The following TGM6 variants were observed in gnomAD, a reference collection of about 807,000 sequenced individuals.
TGM6 encodes protein-glutamine gamma-glutamyltransferase 6.
In TGM6, 74 loss-of-function variants were observed where a neutral mutation model predicts 77.5. The observed-to-expected ratio is 0.96, with a 90% CI of 0.79 to 1.16. The LOEUF (loss-of-function observed/expected upper bound fraction) is 1.16, where lower values mean the gene tolerates loss of function less well. TGM6 is among the 50% of genes most tolerant of loss of function. TGM6 has a pLI of 0.00. For missense variants in TGM6, 968 were observed against 940.2 expected, an observed-to-expected ratio of 1.03 and a Z score of -0.39; for synonymous variants, 383 against 378.9, an observed-to-expected ratio of 1.01 and a Z score of -0.12.
In TGM6 at chr20:2,399,598, A is replaced by C. The variant is rs1269705033; in HGVS notation, c.710A>C (p.Gln237Pro). The C allele has an allele frequency of 1.9e-6, 3 of 1,613,352 alleles. No homozygotes were observed. Among genetic ancestry groups the C allele is most frequent in the Non-Finnish European group, 1.7e-6 (2 of 1,179,976 alleles). The change falls in exon 6 of 13, where the codon CAG becomes CCG. Residue 237 changes from glutamine (Q) to proline (P), a missense_variant. Gln to Pro is a moderately conservative substitution (Grantham distance 76). Coordinates refer to ENST00000202625, the MANE Select transcript of TGM6 (RefSeq NM_198994.3). ...SNNDRGVVQG[Q>P]WQGKYGGGTS... ...AACGACCGAGGTGTGGTGCAAGGAC[A>C]GTGGCAGGGCAAGTACGGCGGCGGC...
chr20:2,403,318 C>T (rs2084724057), intron 7 of TGM6, 79 bp from the exon 8 acceptor site: 3 of 1,496,096 alleles, frequency 2.0e-6, no homozygotes, highest in African/African-American at 2.8e-5. Context: ...GTAGGGAGCC[C>T]AGGGCCTGCC....
At position 2,427,259 on chromosome 20, in the gene TGM6, A is replaced by G. The variant is rs554559106; in HGVS notation, c.1679-3187A>G. ...TTTCTTTCAAGAACTGGTCCCTTTT[A>G]TCTGGATTATCAAACCTGTGGGCAT... On this transcript the variant is annotated intron_variant, in intron 10 of 12. Transcript: ENST00000202625. Among the ~76,000 whole-genome samples the G allele has an allele frequency of 9.8e-4, 149 of 152,162 alleles. 1 individual carries two copies. The highest frequency in any genetic ancestry group is 3.4e-3 in the African/African-American group (142 of 41,538).
At position 2,403,990 on chromosome 20, in the gene TGM6, C is replaced by T. The variant is rs1194696154; in HGVS notation, c.1336+167C>T. The stretch of plus-strand genomic sequence containing the variant: ...TCTGAGCCAAGTGCCTTTATTTAGG[C>T]TACATTAATAGCTTCCTCTGTTTGC... On this transcript the variant is annotated intron_variant, in intron 9 of 12. Coordinates refer to ENST00000202625, the MANE Select transcript of TGM6 (RefSeq NM_198994.3). Among the ~76,000 whole-genome samples, 5 of 152,324 alleles carry T rather than the reference C, an allele frequency of 3.3e-5. No homozygotes were observed. The South Asian group carries it at 8.3e-4, about 25-fold the overall frequency.
intron 1 of TGM6, among the ~76,000 whole-genome samples, chr20:2,388,301 G>A (rs2084609007): frequency 6.6e-6 from 1 of 152,204 alleles, no homozygotes; most frequent in Non-Finnish European, 1.5e-5. Context: ...GCCCTGTCCA[G>A]ACACTTGCCC....
Position 2,417,768 on chromosome 20 carries a change from C to G in TGM6, c.1678+195C>G, listed in dbSNP as rs62192893. On this transcript the variant is annotated intron_variant, in intron 10 of 12. Transcript: ENST00000202625. ...AACTGAGACTCGGAGGGGCAAAACA[C>G]TAATAACAGTAATGCAAGTCCACAT... 0.18 allele frequency among the ~76,000 whole-genome samples: 27,811 copies of G among 152,042 alleles called. 2,628 individuals carry two copies. Among genetic ancestry groups the G allele is most frequent in the East Asian group, 0.24 (1,263 of 5,156 alleles).
intron 1 of TGM6, among the ~76,000 whole-genome samples, chr20:2,389,194 C>T (rs1253923926): frequency 6.6e-6 from 1 of 152,128 alleles, no homozygotes; most frequent in Non-Finnish European, 1.5e-5. Flanking sequence ...AGCACCATGC[C>T]AGGAGGACAC....
At chr20:2,412,551 CAG>C (rs1191891135) in intron 9 of TGM6, among the ~76,000 whole-genome samples, 1 of 151,688 alleles carries the variant, frequency 6.6e-6, no homozygotes, top group Non-Finnish European at 1.5e-5. Context: ...GGGAGGAAGA[CAG>C]GGAGGGAGAA....
At chr20:2,386,651 G>T (rs1240254397) in intron 1 of TGM6, among the ~76,000 whole-genome samples, 1 of 152,130 alleles carries the variant, frequency 6.6e-6, no homozygotes, top group Non-Finnish European at 1.5e-5. Flanking sequence ...GGGAATTTGT[G>T]CCTGGGCAGG....
chr20:2,396,685 T>C, intron 4 of TGM6, 61 bp downstream of exon 4: 1 of 1,498,802 alleles, frequency 6.7e-7, no homozygotes, highest in Non-Finnish European at 9.3e-7. Flanking sequence ...TCGGTGGGAC[T>C]GGAGTCCCTC....
Position 2,432,394 on chromosome 20 carries a change from T to C in TGM6, c.1968-96T>C, listed in dbSNP as rs1290157397. 9 of 1,508,170 alleles carry C rather than the reference T, an allele frequency of 6.0e-6. No homozygotes were observed. The Admixed American group carries it at 1.3e-4, about 22-fold the overall frequency. The allele number at this position is 1,508,170 out of a possible 1,614,324, so 93.4% of individuals were successfully genotyped here. A position where few individuals can be genotyped will look rare whatever the true frequency, so the allele number is the denominator to read the frequency against. On this transcript the variant is annotated intron_variant, in intron 12 of 12. Coordinates refer to ENST00000202625, the MANE Select transcript of TGM6 (RefSeq NM_198994.3). ...TGAATGTCAAGCCACAAGGTGAACTTGATCCTGAGGAGCCTGGGGAGCCGT... is the reference window on the plus strand; with the variant it reads ...TGAATGTCAAGCCACAAGGTGAACTCGATCCTGAGGAGCCTGGGGAGCCGT...
Position 2,432,620 on chromosome 20 carries a change from G to C in TGM6, c.2098G>C (p.Val700Leu). Residue 700 changes from valine (V) to leucine (L), a missense_variant, in exon 13 of 13, where the codon GTC (valine) becomes CTC (leucine). By Grantham distance (32) the Val-to-Leu change is conservative. Coordinates refer to ENST00000202625, the MANE Select transcript of TGM6 (RefSeq NM_198994.3). Reference protein sequence around the residue: ...HFPDIKGFVIVHVATAK With the variant: ...HFPDIKGFVILHVATAK Reference sequence around the variant, plus strand: ...CCCGGACATCAAGGGCTTTGTGATCGTCCATGTGGCCACTGCCAAGTGATG... The same window carrying C: ...CCCGGACATCAAGGGCTTTGTGATCCTCCATGTGGCCACTGCCAAGTGATG... The C allele has an allele frequency of 6.2e-7, 1 of 1,614,034 alleles. No individual in the cohort carries two copies. Among genetic ancestry groups the C allele is most frequent in the Non-Finnish European group, 8.5e-7 (1 of 1,180,012 alleles).
intron 12 of TGM6, among the ~76,000 whole-genome samples, chr20:2,431,625 G>A (rs2084924555): frequency 6.6e-6 from 1 of 152,214 alleles, no homozygotes; most frequent in Non-Finnish European, 1.5e-5. Context: ...GATACAGATG[G>A]CCCTTCACAT....
chr20:2,389,248 T>C (rs1011757188), intron 1 of TGM6, among the ~76,000 whole-genome samples: 1 of 152,066 alleles, frequency 6.6e-6, no homozygotes, highest in Non-Finnish European at 1.5e-5. Flanking sequence ...GGAACCAAGG[T>C]GCCTCAACCT....
intron 1 of TGM6, among the ~76,000 whole-genome samples, chr20:2,381,993 T>A (rs981479338): frequency 4.5e-5 from 1 of 22,066 alleles, no homozygotes; most frequent in Admixed American, 5.3e-4. Flanking sequence ...CTGCAAGAAC[T>A]TGTCTTAGAT....
At chr20:2,390,409 C>G (rs150786276) in intron 1 of TGM6, among the ~76,000 whole-genome samples, 3 of 152,332 alleles carry the variant, frequency 2.0e-5, no homozygotes, top group Non-Finnish European at 4.4e-5. Flanking sequence ...ACCCAGTGGT[C>G]AACAGCTGGA....
intron 10 of TGM6, among the ~76,000 whole-genome samples, chr20:2,423,134 C>T (rs376022088): frequency 1.2e-4 from 18 of 150,498 alleles, no homozygotes; most frequent in East Asian, 8.1e-4. Context: ...CAAACACCAT[C>T]GCAACACTAC....
At chr20:2,391,087 TAACAGGATCC>T in intron 1 of TGM6, among the ~76,000 whole-genome samples, 1 of 151,564 alleles carries the variant, frequency 6.6e-6, no homozygotes, top group South Asian at 2.1e-4. Context: ...TCTTAGATTT[TAACAGGATCC>T]TTCTGGCTTC....
rs60520220 is a variant in TGM6, at chr20:2,400,620, A to G, written c.989+176A>G. On this transcript the variant is annotated intron_variant, in intron 7 of 12. Transcript: ENST00000202625. ...TGCGGATAGTGGTGCCTCTTCCAAG[A>G]TGTAAGGTCTGAGGTCAAGAGATGT... is the stretch of plus-strand genomic sequence containing the variant. 1.9e-4 allele frequency among the ~76,000 whole-genome samples: 29 copies of G among 151,558 alleles called. 1 individual carries two copies. The East Asian group carries it at 5.5e-3, about 29-fold the overall frequency.
At chr20:2,406,860 A>C (rs6048752) in intron 9 of TGM6, among the ~76,000 whole-genome samples, 38,962 of 133,980 alleles carry the variant, frequency 0.29, 8,739 homozygotes, top group African/African-American at 0.59. Context: ...AAAAAAAAAA[A>C]AAAAAACCAT....
Sources: allele counts gnomAD v4.1 joint callset (sites outside exome capture counted in the v4.1 genomes callset), GRCh38; gene constraint gnomAD v4.1.1; transcripts MANE v1.5; gene names NCBI Gene and HGNC (gene_info 2026-07-23, HGNC 2026-07-21).